Variants in B3GLCT observed in about 807,000 individuals in gnomAD.
B3GLCT encodes the protein beta 3-glucosyltransferase.
In B3GLCT, 65 loss-of-function variants were observed where a neutral mutation model predicts 63.4. The observed-to-expected ratio is 1.03, with a 90% CI of 0.84 to 1.26. The LOEUF (loss-of-function observed/expected upper bound fraction) is 1.26. B3GLCT is among the 50% of genes most tolerant of loss of function. The probability of loss-of-function intolerance (pLI) is 0.00; values close to 1 mark genes in which losing one functional copy is unlikely to be tolerated. For missense variants in B3GLCT, 577 were observed against 604.8 expected (o/e 0.95, Z 0.48); for synonymous variants, 233 against 219.2 (o/e 1.06, Z -0.55).
At chr13:31,308,407 G>A (rs1194818126) in intron 12 of B3GLCT, among the ~76,000 whole-genome samples, 1 of 146,408 alleles carries the variant, frequency 6.8e-6, no homozygotes, top group Non-Finnish European at 1.5e-5. Flanking sequence ...AAATGTATCA[G>A]CTGCATAATT....
intron 1 of B3GLCT, among the ~76,000 whole-genome samples, chr13:31,207,273 C>T (rs112916459): frequency 3.4e-4 from 50 of 148,944 alleles, no homozygotes; most frequent in African/African-American, 1.1e-3. Flanking sequence ...TTAAAGGAAT[C>T]GCGTAAACTG....
chr13:31,253,857 C>T (rs764949606), intron 6 of B3GLCT, among the ~76,000 whole-genome samples: 1 of 151,924 alleles, frequency 6.6e-6, no homozygotes, highest in Non-Finnish European at 1.5e-5. Context: ...GGGGATATCA[C>T]CACCAATCCC....
intron 3 of B3GLCT, among the ~76,000 whole-genome samples, chr13:31,228,984 C>G (rs1204936962): frequency 6.6e-6 from 1 of 152,150 alleles, no homozygotes; most frequent in Non-Finnish European, 1.5e-5. Context: ...TATTTACTTG[C>G]TAACTTCTAG....
intron 2 of B3GLCT, among the ~76,000 whole-genome samples, chr13:31,218,681 C>A (rs753502687): frequency 1.3e-5 from 2 of 152,036 alleles, no homozygotes; most frequent in Non-Finnish European, 1.5e-5. Context: ...GTTTGGATGC[C>A]TTTATTTCTT....
chr13:31,266,665 T>C (rs1872340923), intron 7 of B3GLCT, among the ~76,000 whole-genome samples: 1 of 152,240 alleles, frequency 6.6e-6, no homozygotes, highest in African/African-American at 2.4e-5. Flanking sequence ...GTCTGTGATA[T>C]TGAGGTTGTG....
chr13:31,203,151 C>T (rs575087528), intron 1 of B3GLCT, among the ~76,000 whole-genome samples: 6 of 152,192 alleles, frequency 3.9e-5, no homozygotes, highest in African/African-American at 1.4e-4. Flanking sequence ...TGAGCCAGGT[C>T]TTGCCCAGAT....
intron 4 of B3GLCT, among the ~76,000 whole-genome samples, chr13:31,238,443 A>G (rs77363872): frequency 2.6e-5 from 4 of 152,280 alleles, no homozygotes; most frequent in African/African-American, 7.2e-5. Context: ...GAGGTTGATA[A>G]TTTTATGTTC....
intron 14 of B3GLCT, among the ~76,000 whole-genome samples, chr13:31,329,006 C>T (rs967158595): frequency 6.6e-6 from 1 of 152,134 alleles, no homozygotes; most frequent in Non-Finnish European, 1.5e-5. Flanking sequence ...ATCCTCCTCC[C>T]GAGTGAGCTC....
At chr13:31,232,574 G>T (rs576202989) in intron 4 of B3GLCT, among the ~76,000 whole-genome samples, 75 of 152,234 alleles carry the variant, frequency 4.9e-4, no homozygotes, top group Non-Finnish European at 8.8e-5. Flanking sequence ...CCAACATTGG[G>T]GATTACAATT....
intron 10 of B3GLCT, among the ~76,000 whole-genome samples, chr13:31,281,156 G>A (rs540322714): frequency 5.3e-5 from 8 of 152,254 alleles, no homozygotes; most frequent in Non-Finnish European, 8.8e-5. Context: ...ATGGTGGGTT[G>A]TGGGATGCTC....
chr13:31,311,034 G>T (rs1473374576), intron 12 of B3GLCT, among the ~76,000 whole-genome samples: 1 of 152,226 alleles, frequency 6.6e-6, no homozygotes, highest in Non-Finnish European at 1.5e-5. Flanking sequence ...GGTGCAGCTG[G>T]CCAACCGTGG....
At chr13:31,259,193 C>T (rs1307775828) in intron 6 of B3GLCT, among the ~76,000 whole-genome samples, 1 of 152,162 alleles carries the variant, frequency 6.6e-6, no homozygotes, top group African/African-American at 2.4e-5. Flanking sequence ...GTTTAAAAGT[C>T]TTATTTGATA....
At chr13:31,284,853 A>T in intron 11 of B3GLCT, 92 bp downstream of exon 11, 1 of 842,738 alleles carries the variant, frequency 1.2e-6, no homozygotes, top group Non-Finnish European at 2.0e-6. Context: ...ATGTTTTATA[A>T]GTGCTATAAT....
intron 6 of B3GLCT, among the ~76,000 whole-genome samples, chr13:31,248,530 C>G (rs7982806): frequency 0.76 from 115,860 of 152,010 alleles, 44,257 homozygotes; most frequent in Middle Eastern, 0.81. Flanking sequence ...TGGAATCTAA[C>G]CTGGGAGGGT....
chr13:31,251,321 C>A (rs914313005), intron 6 of B3GLCT, among the ~76,000 whole-genome samples: 3 of 152,152 alleles, frequency 2.0e-5, no homozygotes, highest in Non-Finnish European at 4.4e-5. Flanking sequence ...TTCAAAGGAT[C>A]ACAACTCCTC....
rs138094664 is a variant in B3GLCT, at chr13:31,317,631, G to A, written c.1130G>A (p.Arg377His). The A allele has an allele frequency of 2.7e-5, 44 of 1,613,866 alleles. No homozygotes were observed. Among genetic ancestry groups the A allele is most frequent in the South Asian group, 7.7e-5 (7 of 91,060 alleles). The change falls in exon 13 of 15, where the codon CGC becomes CAC. Residue 377 changes from arginine (R) to histidine (H), a missense_variant. Transcript: ENST00000343307. ...GGCGAGCCTGTGTTTCTGGGAGAGC[G>A]CTACGGCTACGGCCTGGGCACTGGT... ...DSGEPVFLGE[R>H]YGYGLGTGGY... is the part of the protein sequence containing the mutation.
intron 11 of B3GLCT, among the ~76,000 whole-genome samples, chr13:31,285,136 A>C (rs1158693670): frequency 1.3e-5 from 2 of 152,166 alleles, no homozygotes; most frequent in Non-Finnish European, 2.9e-5. Context: ...AGTACCACCT[A>C]ATCACATTCT....
At chr13:31,207,108 A>G (rs1868999876) in intron 1 of B3GLCT, among the ~76,000 whole-genome samples, 1 of 152,130 alleles carries the variant, frequency 6.6e-6, no homozygotes, top group Admixed American at 6.5e-5. Context: ...CTTTATCTGT[A>G]TGTCTGTTTA....
intron 3 of B3GLCT, among the ~76,000 whole-genome samples, chr13:31,226,970 T>G (rs1180536641): frequency 1.3e-5 from 2 of 152,230 alleles, no homozygotes; most frequent in Non-Finnish European, 2.9e-5. Flanking sequence ...CTTTTATACC[T>G]TCACATGCTA....
Sources: allele counts gnomAD v4.1 joint callset (sites outside exome capture counted in the v4.1 genomes callset), GRCh38; gene constraint gnomAD v4.1.1; transcripts MANE v1.5; gene names NCBI Gene and HGNC (gene_info 2026-07-23, HGNC 2026-07-21).